The following EXOC6B variants were observed in gnomAD, a reference collection of about 807,000 sequenced individuals.
EXOC6B encodes the protein SEC15 homolog B.
A neutral mutation model predicts 113.5 loss-of-function variants in EXOC6B; 54 were observed. That is an observed-to-expected ratio of 0.48 (90% confidence interval 0.38 to 0.60). EXOC6B has a LOEUF of 0.60. Ranked by LOEUF, EXOC6B falls within the 20% of genes least tolerant of loss-of-function variation. EXOC6B has a pLI of 0.00. For missense variants in EXOC6B, 797 were observed against 977.5 expected, an observed-to-expected ratio of 0.82 and a Z score of 2.46; for synonymous variants, 357 against 339.0, an observed-to-expected ratio of 1.05 and a Z score of -0.58.
At chr2:72,663,145 T>C (rs756155668) in intron 6 of EXOC6B, among the ~76,000 whole-genome samples, 2 of 152,182 alleles carry the variant, frequency 1.3e-5, no homozygotes, top group Non-Finnish European at 2.9e-5. Flanking sequence ...CAACAGCCAA[T>C]TCTATAAACA....
chr2:72,736,931 T>C (rs1471358666), intron 2 of EXOC6B, among the ~76,000 whole-genome samples: 1 of 141,408 alleles, frequency 7.1e-6, no homozygotes, highest in Non-Finnish European at 1.5e-5. Context: ...GGAAACCCCC[T>C]ATCTCTGTTT....
chr2:72,398,993 G>C (rs747033982), intron 18 of EXOC6B, among the ~76,000 whole-genome samples: 18 of 142,596 alleles, frequency 1.3e-4, no homozygotes, highest in Non-Finnish European at 1.6e-4. Flanking sequence ...TGATACCAAA[G>C]CCAGGCAGTG....
chr2:72,288,729 A>G (rs2104701504), intron 20 of EXOC6B: 1 of 153,224 alleles, frequency 6.5e-6, no homozygotes, highest in East Asian at 1.9e-4. Flanking sequence ...CCGTGCCACC[A>G]AAATGGTACA....
At chr2:72,331,736 G>A (rs1158764907) in intron 20 of EXOC6B, among the ~76,000 whole-genome samples, 1 of 151,972 alleles carries the variant, frequency 6.6e-6, no homozygotes, top group East Asian at 1.9e-4. Flanking sequence ...TGACAAATGA[G>A]GTTTAACTTA....
intron 20 of EXOC6B, among the ~76,000 whole-genome samples, chr2:72,293,263 CTCATT>C (rs1685921585): frequency 1.3e-5 from 2 of 151,992 alleles, no homozygotes; most frequent in Non-Finnish European, 2.9e-5. Context: ...GTCCTAGGGA[CTCATT>C]TCAGTCCCTA....
At chr2:72,400,308 A>G (rs1207545253) in intron 18 of EXOC6B, among the ~76,000 whole-genome samples, 2 of 152,192 alleles carry the variant, frequency 1.3e-5, no homozygotes, top group African/African-American at 4.8e-5. Context: ...CCTAAATGCA[A>G]GACCTGAAAC....
intron 6 of EXOC6B, among the ~76,000 whole-genome samples, chr2:72,660,079 A>T (rs1340874495): frequency 6.6e-6 from 1 of 151,584 alleles, no homozygotes; most frequent in Non-Finnish European, 1.5e-5. Flanking sequence ...CTCTCCTTAC[A>T]TCAATCCTCT....
chr2:72,768,609 CT>C (rs34607791), intron 1 of EXOC6B, among the ~76,000 whole-genome samples: 77,789 of 136,128 alleles, frequency 0.57, 25,295 homozygotes, highest in East Asian at 0.92. Context: ...CCGGCCTAAG[CT>C]TTTTTTTTTT....
intron 18 of EXOC6B, among the ~76,000 whole-genome samples, chr2:72,407,915 A>G (rs1693892349): frequency 6.6e-6 from 1 of 152,196 alleles, no homozygotes; most frequent in African/African-American, 2.4e-5. Context: ...GGAAAAGAGG[A>G]AGTCAAATTG....
Position 72,606,041 on chromosome 2 carries a change from C to A in EXOC6B, c.670-30373G>T, listed in dbSNP as rs546963090. Among the ~76,000 whole-genome samples, 245 of 152,142 alleles carry A rather than the reference C, an allele frequency of 1.6e-3. 2 individuals are homozygous for A. Among genetic ancestry groups the A allele is most frequent in the African/African-American group, 5.6e-3 (232 of 41,522 alleles). On this transcript the variant is annotated intron_variant, in intron 6 of 21. Coordinates refer to ENST00000272427, the MANE Select transcript of EXOC6B (RefSeq NM_015189.3). The stretch of plus-strand genomic sequence containing the variant: ...CTATATTTACTATACATGTAATGCC[C>A]TCTACAGGCCATCAGTGGAATGAAT...
chr2:72,739,401 C>T (rs1239362617), intron 2 of EXOC6B, among the ~76,000 whole-genome samples: 1 of 151,962 alleles, frequency 6.6e-6, no homozygotes, highest in African/African-American at 2.4e-5. Flanking sequence ...TTAGAATGTT[C>T]ACATTTTTCC....
chr2:72,768,729 G>A (rs897328413), intron 1 of EXOC6B, among the ~76,000 whole-genome samples: 1 of 151,494 alleles, frequency 6.6e-6, no homozygotes, highest in Non-Finnish European at 1.5e-5. Flanking sequence ...AATACTTAAA[G>A]ACATCATAGC....
At chr2:72,282,872 T>C (rs1308069363) in intron 20 of EXOC6B, among the ~76,000 whole-genome samples, 25 of 152,110 alleles carry the variant, frequency 1.6e-4, no homozygotes, top group Admixed American at 1.6e-3. Flanking sequence ...CAATCCTAAA[T>C]TTATATGCAC....
intron 11 of EXOC6B, among the ~76,000 whole-genome samples, chr2:72,508,024 C>G (rs530766109): frequency 6.9e-6 from 1 of 144,150 alleles, no homozygotes; most frequent in Non-Finnish European, 1.5e-5. Context: ...TTTCAGGAAA[C>G]AAAATAAAAT....
chr2:72,785,374 G>C (rs996481547), intron 1 of EXOC6B, among the ~76,000 whole-genome samples: 5 of 152,252 alleles, frequency 3.3e-5, no homozygotes, highest in Non-Finnish European at 7.3e-5. Context: ...CCCCAGTAGG[G>C]ACTCTGTGTG....
At chr2:72,444,596 T>C (rs1481505369) in intron 18 of EXOC6B, among the ~76,000 whole-genome samples, 1 of 152,232 alleles carries the variant, frequency 6.6e-6, no homozygotes, top group African/African-American at 2.4e-5. Context: ...TCCTCTGATA[T>C]CTAGGCAGAA....
At position 72,179,209 on chromosome 2, in the gene EXOC6B, G is replaced by T; in HGVS notation, c.*126C>A. 1 of 1,059,666 alleles carries T rather than the reference G, an allele frequency of 9.4e-7. No homozygotes were observed. The highest frequency in any genetic ancestry group is 1.7e-5 in the South Asian group (1 of 58,854). The allele number at this position is 1,059,666 out of a possible 1,614,324, so 65.6% of individuals were successfully genotyped here. ...GAAATGTTATGTGAATACTGCACAG[G>T]GGTTAATAAAAAAATACATATGCTC... On this transcript the variant is annotated 3_prime_UTR_variant, in exon 22 of 22. Coordinates refer to ENST00000272427, the MANE Select transcript of EXOC6B (RefSeq NM_015189.3).
chr2:72,649,463 T>C (rs1674000642), intron 6 of EXOC6B, among the ~76,000 whole-genome samples: 1 of 152,168 alleles, frequency 6.6e-6, no homozygotes, highest in African/African-American at 2.4e-5. Flanking sequence ...ATGTCTCACG[T>C]ATCATATAAA....
chr2:72,632,592 A>G lies in EXOC6B; in HGVS notation c.670-56924T>C, dbSNP rs1400298322. Reference sequence around the variant, plus strand: ...GATACATACCATAATGACTCTCTAGATAATAACAAACATTCAATAAAAGTA... The same window carrying G: ...GATACATACCATAATGACTCTCTAGGTAATAACAAACATTCAATAAAAGTA... On this transcript the variant is annotated intron_variant, in intron 6 of 21. Transcript: ENST00000272427. Among the ~76,000 whole-genome samples, 4 of 152,232 alleles carry G rather than the reference A, an allele frequency of 2.6e-5. No homozygotes were observed. The East Asian group carries it at 7.7e-4, about 29-fold the overall frequency.
Sources: allele counts gnomAD v4.1 joint callset (sites outside exome capture counted in the v4.1 genomes callset), GRCh38; gene constraint gnomAD v4.1.1; transcripts MANE v1.5; gene names NCBI Gene and HGNC (gene_info 2026-07-23, HGNC 2026-07-21).